Variants in TMEFF2 observed in about 807,000 individuals in gnomAD.
TMEFF2 encodes the protein transmembrane protein with EGF like and two follistatin like domains 2, also known as tomoregulin-2.
In TMEFF2, 28 loss-of-function variants were observed where a neutral mutation model predicts 53.8. The ratio of observed to expected loss-of-function variants is 0.52; its 90% CI spans 0.39 to 0.71. The LOEUF is 0.71. Among genes scored for constraint, TMEFF2 ranks in the 30% least tolerant of loss-of-function variants. TMEFF2 has a pLI of 0.00. For missense variants in TMEFF2, 353 were observed against 455.2 expected (o/e 0.78, Z 2.04); for synonymous variants, 162 against 166.3 (o/e 0.97, Z 0.20).
rs572177078 is a variant in TMEFF2 at position 192,102,807 on chromosome 2, G to A, written c.440-45032C>T. 2.6e-4 allele frequency among the ~76,000 whole-genome samples: 39 copies of A among 151,642 alleles called. No homozygotes were observed. In the South Asian group the frequency reaches 3.1e-3, roughly 12 times the overall value. ...GCTGGTCTTGAAATCCTGACTTCAG[G>A]TGATCTGCCCACCTCAACCTCCGAA... On this transcript the variant is annotated intron_variant, in intron 4 of 9. Transcript: ENST00000272771.
intron 5 of TMEFF2, among the ~76,000 whole-genome samples, chr2:192,037,273 T>TAAAAGAAAGAAAGAAAGAAAGAAAG (rs568551324): frequency 5.3e-5 from 5 of 94,736 alleles, no homozygotes; most frequent in African/African-American, 8.6e-5. Flanking sequence ...CTAGCCAAAA[T>TAAAAGAAAGAAAGAAAGAAAGAAAG]AAAGAAAGAA....
At chr2:192,120,944 C>T (rs888792662) in intron 4 of TMEFF2, among the ~76,000 whole-genome samples, 1 of 151,924 alleles carries the variant, frequency 6.6e-6, no homozygotes, top group Non-Finnish European at 1.5e-5. Context: ...CTATGTTGGC[C>T]AGGCTGGTCT....
At chr2:192,024,748 A>G (rs1190171682) in intron 5 of TMEFF2, among the ~76,000 whole-genome samples, 3 of 152,208 alleles carry the variant, frequency 2.0e-5, no homozygotes, top group African/African-American at 7.2e-5. Flanking sequence ...TCAATCGTCC[A>G]ATGACTTTTG....
At chr2:191,965,759 T>C (rs1398744307) in intron 7 of TMEFF2, among the ~76,000 whole-genome samples, 1 of 152,164 alleles carries the variant, frequency 6.6e-6, no homozygotes, top group Non-Finnish European at 1.5e-5. Context: ...TTCCTTTTCG[T>C]TTACCAAAGT....
At chr2:191,958,582 GA>G (rs1029862642) in intron 7 of TMEFF2, among the ~76,000 whole-genome samples, 7 of 152,182 alleles carry the variant, frequency 4.6e-5, no homozygotes, top group Non-Finnish European at 8.8e-5. Flanking sequence ...AAGTATAAGG[GA>G]AAAATAAGAG....
At chr2:192,184,278 G>T (rs1214744012) in intron 3 of TMEFF2, 76 bp downstream of exon 3, 2 of 1,545,688 alleles carry the variant, frequency 1.3e-6, no homozygotes, top group African/African-American at 2.7e-5. Context: ...TTTATTGGGA[G>T]ATAACAAGAA....
intron 4 of TMEFF2, among the ~76,000 whole-genome samples, chr2:192,161,394 C>G (rs539030830): frequency 6.6e-6 from 1 of 152,222 alleles, no homozygotes; most frequent in South Asian, 2.1e-4. Context: ...TTCAAGTGGT[C>G]TGCCCTCCTC....
At chr2:192,046,012 T>C (rs1000678547) in intron 5 of TMEFF2, among the ~76,000 whole-genome samples, 3 of 152,228 alleles carry the variant, frequency 2.0e-5, no homozygotes, top group Non-Finnish European at 4.4e-5. Context: ...GCAATGGGTA[T>C]ATGCTCATGG....
chr2:192,037,301 G>GAAAGAAAGA (rs1687332000), intron 5 of TMEFF2, among the ~76,000 whole-genome samples: 1 of 143,716 alleles, frequency 7.0e-6, no homozygotes, highest in Non-Finnish European at 1.5e-5. Context: ...AAGAAAGAAA[G>GAAAGAAAGA]AAAGAAAGAA....
intron 4 of TMEFF2, among the ~76,000 whole-genome samples, chr2:192,119,039 T>G (rs1042279532): frequency 3.0e-4 from 46 of 152,278 alleles, no homozygotes; most frequent in African/African-American, 1.0e-3. Flanking sequence ...TTTTGAATGT[T>G]TAATCTCTGC....
At position 191,950,343 on chromosome 2, in the gene TMEFF2, T is replaced by G; in HGVS notation, c.1093A>C (p.Asn365His). ...AACCTCGTGGACGCTCTTGTTGTAT[T>G]GTCTGAACTGTAGTGCCCTGTATTT... is the stretch of plus-strand genomic sequence containing the variant. ...KQNTGHYSSD[N>H]TTRASTRLI The change falls in exon 10 of 10, where the codon AAT becomes CAT. Residue 365 changes from asparagine to histidine, a missense_variant. Around this residue, in one of 3 missense-constraint regions of TMEFF2, gnomAD observed 294 missense variants for 397.3 expected, o/e 0.74. Transcript: ENST00000272771. 6.2e-7 allele frequency: 1 copy of G among 1,613,918 alleles called. No individual in the cohort carries two copies. The highest frequency in any genetic ancestry group is 8.5e-7 in the Non-Finnish European group (1 of 1,179,884).
chr2:191,959,333 A>G (rs1692199491), intron 7 of TMEFF2, among the ~76,000 whole-genome samples: 1 of 152,172 alleles, frequency 6.6e-6, no homozygotes, highest in African/African-American at 2.4e-5. Context: ...CTTTGAAAAA[A>G]CAATTCTGAT....
At chr2:191,961,591 C>A (rs1692275454) in intron 7 of TMEFF2, among the ~76,000 whole-genome samples, 1 of 152,100 alleles carries the variant, frequency 6.6e-6, no homozygotes, top group African/African-American at 2.4e-5. Flanking sequence ...CTGTTCTGTT[C>A]TCCTTATATT....
chr2:192,060,637 C>T (rs1266915484), intron 4 of TMEFF2, among the ~76,000 whole-genome samples: 2 of 152,122 alleles, frequency 1.3e-5, no homozygotes, highest in East Asian at 3.9e-4. Context: ...TTGAAAACCA[C>T]TGATTTAGTA....
chr2:192,026,132 T>C (rs1686965427), intron 5 of TMEFF2, among the ~76,000 whole-genome samples: 1 of 152,176 alleles, frequency 6.6e-6, no homozygotes, highest in African/African-American at 2.4e-5. Context: ...CAGTTCACAG[T>C]ATCATAAACC....
intron 7 of TMEFF2, among the ~76,000 whole-genome samples, chr2:191,973,011 G>A (rs990231379): frequency 1.3e-5 from 2 of 152,160 alleles, no homozygotes; most frequent in South Asian, 2.1e-4. Context: ...TTACAGCTAC[G>A]TGATATCTAA....
At chr2:192,084,514 G>C (rs1476779027) in intron 4 of TMEFF2, among the ~76,000 whole-genome samples, 2 of 152,070 alleles carry the variant, frequency 1.3e-5, no homozygotes, top group Non-Finnish European at 2.9e-5. Context: ...CAAAGTGGAA[G>C]GACTCTTACT....
At position 192,042,069 on chromosome 2, in the gene TMEFF2, C is replaced by A. The variant is rs1687497743; in HGVS notation, c.536+15610G>T. On this transcript the variant is annotated intron_variant, in intron 5 of 9. Transcript: ENST00000272771. ...TACAAAAATTAACTGGGCGTAGTGG[C>A]AGGCACCTGTAATCCCAGCTACTTG... Among the ~76,000 whole-genome samples the A allele has an allele frequency of 2.0e-5, 3 of 152,016 alleles. No individual in the cohort carries two copies. The South Asian group carries it at 6.2e-4, about 32-fold the overall frequency.
chr2:192,193,130 C>G (rs958329546), intron 1 of TMEFF2, among the ~76,000 whole-genome samples: 10 of 152,200 alleles, frequency 6.6e-5, no homozygotes, highest in African/African-American at 2.4e-4. Context: ...TCCCTCCTCT[C>G]TAAAGTTACA....
Sources: gnomAD v4.1 joint callset for allele counts (sites outside exome capture counted in the v4.1 genomes callset) on GRCh38, gnomAD v4.1.1 for gene constraint, gnomAD v4.1.1 regional missense constraint, MANE v1.5 for transcripts, NCBI Gene and HGNC (gene_info 2026-07-23, HGNC 2026-07-21) for gene names.